TKT: variants seen among roughly 807,000 people sequenced by gnomAD.
TKT encodes epididymis luminal protein 107.
Under a neutral mutation model 63.9 loss-of-function variants are expected in TKT, and 47 were observed. That is an observed-to-expected ratio of 0.74 (90% CI 0.58 to 0.94). The LOEUF (loss-of-function observed/expected upper bound fraction) is 0.94. Ranked by LOEUF, TKT falls within the 40% of genes least tolerant of loss-of-function variation. The probability of loss-of-function intolerance (pLI) is 0.00; values close to 1 mark genes in which losing one functional copy is unlikely to be tolerated. For missense variants in TKT, 721 were observed against 846.2 expected, an observed-to-expected ratio of 0.85 and a Z score of 1.84; for synonymous variants, 338 against 334.1, an observed-to-expected ratio of 1.01 and a Z score of -0.13.
intron 1 of TKT, among the ~76,000 whole-genome samples, chr3:53,244,363 G>A (rs540156365): frequency 6.6e-5 from 10 of 152,306 alleles, no homozygotes; most frequent in South Asian, 2.1e-4. Context: ...CAAGTGCTTC[G>A]TCAACCCGGG....
chr3:53,226,552 A>C, intron 13 of TKT: 3 of 628,134 alleles, frequency 4.8e-6, no homozygotes, highest in Non-Finnish European at 8.1e-6. Flanking sequence ...AGCTCCACAG[A>C]GCTCATCAGC....
chr3:53,255,037 TCA>T (rs1321937387), intron 1 of TKT, among the ~76,000 whole-genome samples: 1 of 152,158 alleles, frequency 6.6e-6, no homozygotes, highest in East Asian at 1.9e-4. Flanking sequence ...CTCAGCCTTC[TCA>T]GTCTCCTTGC....
At chr3:53,236,986 T>C (rs1357738758) in intron 4 of TKT, among the ~76,000 whole-genome samples, 2 of 152,240 alleles carry the variant, frequency 1.3e-5, no homozygotes, top group African/African-American at 4.8e-5. Flanking sequence ...AAGGTCGACA[T>C]TTGTTGTAGA....
chr3:53,252,004 G>T (rs184474163), intron 1 of TKT, among the ~76,000 whole-genome samples: 2 of 152,330 alleles, frequency 1.3e-5, no homozygotes. Flanking sequence ...GCCGGGCGTG[G>T]TGGTGCATGC....
rs373782007 is a variant in TKT at position 53,242,220 on chromosome 3, C to G, written c.130G>C (p.Ala44Pro). ...AAGAGGACAGCCATGATCTCTGCGG[C>G]GCTGCAGCATGACGTGGGGTGGCTG... ...GSGHPTSCCS[A>P]AEIMAVLFFH... Residue 44 changes from alanine to proline, a missense_variant, in exon 2 of 14, where the codon GCC becomes CCC. Ala to Pro is a conservative substitution (Grantham distance 27, BLOSUM62 -1). Transcript: ENST00000462138. 1 of 1,614,026 alleles carries G rather than the reference C, an allele frequency of 6.2e-7. No individual in the cohort carries two copies. Among genetic ancestry groups the G allele is most frequent in the Non-Finnish European group, 8.5e-7 (1 of 1,179,994 alleles).
chr3:53,237,495 TACACACACACAC>T (rs3075727), intron 4 of TKT, among the ~76,000 whole-genome samples: 83 of 144,898 alleles, frequency 5.7e-4, no homozygotes, highest in African/African-American at 1.4e-3. Context: ...TTTTATATTA[TACACACACACAC>T]ACACACACAC....
chr3:53,230,141 G>T (rs1013831672), intron 8 of TKT, among the ~76,000 whole-genome samples: 1 of 152,154 alleles, frequency 6.6e-6, no homozygotes, highest in Non-Finnish European at 1.5e-5. Flanking sequence ...CCACCTACTG[G>T]CCAGGCCTGT....
chr3:53,245,588 C>G (rs766290932), intron 1 of TKT, among the ~76,000 whole-genome samples: 25 of 152,148 alleles, frequency 1.6e-4, no homozygotes, highest in Non-Finnish European at 3.1e-4. Context: ...GCTCAAAGAC[C>G]AGCCTGGCCA....
intron 4 of TKT, among the ~76,000 whole-genome samples, chr3:53,238,680 G>C (rs1211564895): frequency 6.6e-6 from 1 of 152,154 alleles, no homozygotes; most frequent in Admixed American, 6.5e-5. Flanking sequence ...GAGGCTTCCC[G>C]CCCACAGGAC....
At chr3:53,253,757 C>T (rs1288265758) in intron 1 of TKT, among the ~76,000 whole-genome samples, 1 of 152,098 alleles carries the variant, frequency 6.6e-6, no homozygotes, top group Non-Finnish European at 1.5e-5. Flanking sequence ...GAGCAAGACT[C>T]CATCTCAAAA....
chr3:53,232,136 G>A, intron 6 of TKT: 1 of 388,656 alleles, frequency 2.6e-6, no homozygotes, highest in Non-Finnish European at 4.5e-6. Flanking sequence ...CACCTCAGTA[G>A]TCACTAGAGT....
chr3:53,229,060 G>A lies in TKT; in HGVS notation c.1342C>T (p.Pro448Ser). The A allele has an allele frequency of 6.2e-7, 1 of 1,614,140 alleles. No homozygotes were observed. Among genetic ancestry groups the A allele is most frequent in the Non-Finnish European group, 8.5e-7 (1 of 1,180,020 alleles). The change falls in exon 10 of 14, where the codon CCA becomes TCA. Residue 448 changes from proline to serine, a missense_variant. Transcript: ENST00000462138. ...TTCTCTGTAGCAACGCCATCACTTG[G>A]GTAAAAGACAGTTGATGTGGGGACT... is the stretch of plus-strand genomic sequence containing the variant. ...RSVPTSTVFY[P>S]SDGVATEKAV...
At position 53,229,414 on chromosome 3, in the gene TKT, G is replaced by A; in HGVS notation, c.1130C>T (p.Ala377Val). 6.2e-7 allele frequency: 1 copy of A among 1,609,196 alleles called. No individual in the cohort carries two copies. Among genetic ancestry groups the A allele is most frequent in the African/African-American group, 1.3e-5 (1 of 74,918 alleles). ...QNMVSIAVGC[A>V]TRNRTVPFCS... ...GAAGGGCACCGTCCTGTTGCGGGTG[G>A]CACAGCCCACCGCGATGCTCACCTG... The change falls in exon 9 of 14, where the codon GCC becomes GTC. Residue 377 changes from alanine to valine, a missense_variant. By Grantham distance (64) the Ala-to-Val change is moderately conservative. Coordinates refer to ENST00000462138, the MANE Select transcript of TKT (RefSeq NM_001064.4).
intron 4 of TKT, among the ~76,000 whole-genome samples, chr3:53,236,011 G>A (rs145073689): frequency 2.2e-5 from 1 of 44,698 alleles, no homozygotes; most frequent in African/African-American, 5.3e-5. Flanking sequence ...TCTGAAGGTC[G>A]CGCTGTCAGG....
At position 53,240,354 on chromosome 3, in the gene TKT, A is replaced by T. The variant is rs369411849; in HGVS notation, c.340-6T>A. ...ACGTCGGTGAAAGCTTGTTTCTGTCATAACAGAAGGCCACCGTTAATCTGA... is the reference window on the plus strand; with the variant it reads ...ACGTCGGTGAAAGCTTGTTTCTGTCTTAACAGAAGGCCACCGTTAATCTGA... On this transcript the variant is annotated splice_polypyrimidine_tract_variant and splice_region_variant and intron_variant, in intron 3 of 13. Transcript: ENST00000462138. 6.2e-7 allele frequency: 1 copy of T among 1,610,124 alleles called. No homozygotes were observed. The highest frequency in any genetic ancestry group is 8.5e-7 in the Non-Finnish European group (1 of 1,177,418).
At chr3:53,230,781 A>G (rs1553676838) in intron 7 of TKT, among the ~76,000 whole-genome samples, 160 bp from the exon 8 acceptor site, 1 of 151,794 alleles carries the variant, frequency 6.6e-6, no homozygotes, top group East Asian at 1.9e-4. Context: ...AAGGTTGCCA[A>G]CGACTACGGT....
At chr3:53,234,031 G>C (rs1451076286) in intron 5 of TKT, 1 of 152,298 alleles carries the variant, frequency 6.6e-6, no homozygotes, top group Non-Finnish European at 1.5e-5. Context: ...TGAGTCACGA[G>C]GTTATGGACA....
chr3:53,240,238 G>A lies in TKT; in HGVS notation c.437+13C>T, dbSNP rs376537547. 9.3e-6 allele frequency: 15 copies of A among 1,608,500 alleles called. No homozygotes were observed. The East Asian group carries it at 2.9e-4, about 31-fold the overall frequency. On this transcript the variant is annotated intron_variant, in intron 4 of 13. Coordinates refer to ENST00000462138, the MANE Select transcript of TKT (RefSeq NM_001064.4). ...AAACTACCCAGGTTGGGGGTGGGGA[G>A]TAGGTGTGTTACCTGGCCTTGTCGA...
chr3:53,231,790 C>G, intron 6 of TKT: 1 of 531,254 alleles, frequency 1.9e-6, no homozygotes, highest in Non-Finnish European at 3.3e-6. Context: ...GAGCTCACAG[C>G]TGAGTGGGAA....
Sources: allele counts gnomAD v4.1 joint callset (sites outside exome capture counted in the v4.1 genomes callset), GRCh38; gene constraint gnomAD v4.1.1; transcripts MANE v1.5; gene names NCBI Gene and HGNC (gene_info 2026-07-23, HGNC 2026-07-21).